The following WIPI1 variants were observed in gnomAD, a reference collection of about 807,000 sequenced individuals.
WIPI1 encodes WD repeat domain phosphoinositide-interacting protein 1.
In WIPI1, 45 loss-of-function variants were observed where a neutral mutation model predicts 55.3. The observed-to-expected ratio is 0.81, with a 90% confidence interval of 0.64 to 1.04. WIPI1 has a LOEUF of 1.04. WIPI1 is among the 50% of genes least tolerant of loss of function. WIPI1 has a pLI of 0.00. For missense variants in WIPI1, 445 were observed against 559.0 expected (o/e 0.80, Z 2.06); for synonymous variants, 195 against 217.6 (o/e 0.90, Z 0.92).
chr17:68,437,019 T>TGA (rs2083839376), intron 4 of WIPI1, among the ~76,000 whole-genome samples: 1 of 149,718 alleles, frequency 6.7e-6, no homozygotes, highest in Non-Finnish European at 1.5e-5. Context: ...TATATATATG[T>TGA]GTGTGTGTGT....
At position 68,433,502 on chromosome 17, in the gene WIPI1, C is replaced by CTGGAGG. The variant is rs2083617964; in HGVS notation, c.765_766insCCTCCA (p.Thr255_Val256insProPro). On this transcript the variant is annotated inframe_insertion, in exon 8 of 13. Transcript: ENST00000262139. ...ACCTGTTCCAGCTTGAAGATGTGTACCGTCTCGGTGTTACTGGAGGCGCAG... is the reference window on the plus strand; with the variant it reads ...ACCTGTTCCAGCTTGAAGATGTGTACTGGAGGCGTCTCGGTGTTACTGGAGGCGCAG... The CTGGAGG allele has an allele frequency of 6.2e-7, 1 of 1,613,796 alleles. No individual in the cohort carries two copies. Among genetic ancestry groups the CTGGAGG allele is most frequent in the African/African-American group, 1.3e-5 (1 of 74,796 alleles).
At chr17:68,428,667 CAG>C (rs2083365078) in intron 10 of WIPI1, 160 bp downstream of exon 10, 2 of 592,672 alleles carry the variant, frequency 3.4e-6, no homozygotes, top group Admixed American at 2.9e-5. Flanking sequence ...GCACCTGACA[CAG>C]AGCCCGGTGC....
rs2083634881 is a variant in WIPI1 at position 68,433,761 on chromosome 17, T to TTG, written c.693-187_693-186insCA. On this transcript the variant is annotated intron_variant, in intron 7 of 12. Transcript: ENST00000262139. ...CAGAAAGATTCACAAAGGGTCATAG[T>TTG]TTTTTTTTTTTTTTTTTTTTTTTTT... Among the ~76,000 whole-genome samples the TTG allele has an allele frequency of 3.9e-3, 24 of 6,090 alleles. 2 individuals carry two copies. The highest frequency in any genetic ancestry group is 0.01 in the South Asian group (3 of 286). 4.0% of individuals were successfully genotyped at this position (6,090 alleles called of 152,430 possible). A position where few individuals can be genotyped will look rare whatever the true frequency, so the allele number is the denominator to read the frequency against.
At position 68,450,727 on chromosome 17, in the gene WIPI1, C is replaced by G. The variant is rs1407162250; in HGVS notation, c.333+1G>C. 1 of 1,604,826 alleles carries G rather than the reference C, an allele frequency of 6.2e-7. No individual in the cohort carries two copies. Among genetic ancestry groups the G allele is most frequent in the Admixed American group, 1.7e-5 (1 of 58,100 alleles). On this transcript the variant is annotated splice_donor_variant, in intron 3 of 12. Transcript: ENST00000262139. LOFTEE classifies it high-confidence loss of function. ...AAACCCTGAGGGATTTCCCCACTTACTTGCCGGTTCAGCCTTATGGACAAG... is the reference window on the plus strand; with the variant it reads ...AAACCCTGAGGGATTTCCCCACTTAGTTGCCGGTTCAGCCTTATGGACAAG...
chr17:68,457,389 GC>G lies in WIPI1; in HGVS notation c.32del (p.Gly11AlafsTer19), dbSNP rs1187448017. 1 of 1,535,368 alleles carries G rather than the reference GC, an allele frequency of 6.5e-7. No homozygotes were observed. The highest frequency in any genetic ancestry group is 8.8e-7 in the Non-Finnish European group (1 of 1,142,282). On this transcript the variant is annotated frameshift_variant, in exon 1 of 13. Coordinates refer to ENST00000262139, the MANE Select transcript of WIPI1 (RefSeq NM_017983.7). LOFTEE classifies it high-confidence loss of function. Reference sequence around the variant, plus strand: ...AGCAGCTGAGCGCCGACTCAACCCCGCCCGGGGGAGCGTCCGCGGCCTCGGC... The same window carrying G: ...AGCAGCTGAGCGCCGACTCAACCCCGCCGGGGGAGCGTCCGCGGCCTCGGC... MEAEAADAPP[G>X]GVESALSCFS...
chr17:68,453,564 C>T (rs1056746779), intron 1 of WIPI1, among the ~76,000 whole-genome samples: 4 of 151,388 alleles, frequency 2.6e-5, no homozygotes, highest in Non-Finnish European at 4.4e-5. Flanking sequence ...CTCCAACCTC[C>T]GCCTCCTGGG....
chr17:68,421,602 G>T lies in WIPI1; in HGVS notation c.*171C>A. Reference sequence around the variant, plus strand: ...CCCGCGCCCATTGGCAACCAGGGTCGTGGGAAGCTTGGTGAGGAGTTAACC... The same window carrying T: ...CCCGCGCCCATTGGCAACCAGGGTCTTGGGAAGCTTGGTGAGGAGTTAACC... On this transcript the variant is annotated 3_prime_UTR_variant, in exon 13 of 13. Coordinates refer to ENST00000262139, the MANE Select transcript of WIPI1 (RefSeq NM_017983.7). 4.8e-6 allele frequency: 4 copies of T among 832,680 alleles called. No homozygotes were observed. Among genetic ancestry groups the T allele is most frequent in the South Asian group, 4.6e-5 (3 of 65,518 alleles). 51.6% of individuals were successfully genotyped at this position (832,680 alleles called of 1,614,324 possible).
At chr17:68,449,648 C>T (rs1342201850) in intron 3 of WIPI1, among the ~76,000 whole-genome samples, 1 of 152,206 alleles carries the variant, frequency 6.6e-6, no homozygotes, top group Non-Finnish European at 1.5e-5. Context: ...GCTCCTGCCA[C>T]GTAAGACGCC....
Position 68,421,740 on chromosome 17 carries a change from G to A in WIPI1, c.*33C>T, listed in dbSNP as rs1370585634. On this transcript the variant is annotated 3_prime_UTR_variant, in exon 13 of 13. Coordinates refer to ENST00000262139, the MANE Select transcript of WIPI1 (RefSeq NM_017983.7). The stretch of plus-strand genomic sequence containing the variant: ...GTTTTCTCCAAAACCACCTGATAGG[G>A]GGGATGTCCTGATTTCTGAGGTGTG... 3 of 1,614,066 alleles carry A rather than the reference G, an allele frequency of 1.9e-6. No individual in the cohort carries two copies. The Admixed American group carries it at 5.0e-5, about 27-fold the overall frequency.
intron 3 of WIPI1, 71 bp from the exon 4 acceptor site, chr17:68,444,660 C>G: frequency 7.8e-7 from 1 of 1,281,592 alleles, no homozygotes; most frequent in South Asian, 1.3e-5. Context: ...CCAAATCATT[C>G]ATCTTTCATA....
chr17:68,433,760 G>GTTTTTTTTTTTTTTT lies in WIPI1; in HGVS notation c.693-200_693-186dup, dbSNP rs556777098. Reference sequence around the variant, plus strand: ...TCAGAAAGATTCACAAAGGGTCATAGTTTTTTTTTTTTTTTTTTTTTTTTT... The same window carrying GTTTTTTTTTTTTTTT: ...TCAGAAAGATTCACAAAGGGTCATAGTTTTTTTTTTTTTTTTTTTTTTTTTTTTTTTTTTTTTTTT... On this transcript the variant is annotated intron_variant, in intron 7 of 12. Transcript: ENST00000262139. Among the ~76,000 whole-genome samples, 8 of 72,822 alleles carry GTTTTTTTTTTTTTTT rather than the reference G, an allele frequency of 1.1e-4. 1 individual carries two copies. The highest frequency in any genetic ancestry group is 4.6e-4 in the African/African-American group (7 of 15,268). The allele number at this position is 72,822 out of a possible 152,430, so 47.8% of individuals were successfully genotyped here. A position where few individuals can be genotyped will look rare whatever the true frequency, so the allele number is the denominator to read the frequency against.
rs186251334 is a variant in WIPI1 at position 68,421,672 on chromosome 17, C to T, written c.*101G>A. 3.5e-4 allele frequency: 536 copies of T among 1,539,126 alleles called. 1 individual carries two copies. The highest frequency in any genetic ancestry group is 3.3e-5 in the South Asian group (3 of 89,636). ...GTGGAGCACCCGGGATTCCTGCCCC[C>T]CTTTCTGCTCACACAATTGCACTCC... On this transcript the variant is annotated 3_prime_UTR_variant, in exon 13 of 13. Coordinates refer to ENST00000262139, the MANE Select transcript of WIPI1 (RefSeq NM_017983.7).
chr17:68,425,915 ACAG>A, intron 12 of WIPI1, 157 bp downstream of exon 12: 2 of 626,594 alleles, frequency 3.2e-6, no homozygotes, highest in East Asian at 5.5e-5. Flanking sequence ...TTCGAAGCAC[ACAG>A]TACAACAAAT....
chr17:68,428,002 C>G (rs373598905), intron 10 of WIPI1, among the ~76,000 whole-genome samples: 1 of 152,036 alleles, frequency 6.6e-6, no homozygotes, highest in African/African-American at 2.4e-5. Flanking sequence ...GTGATCCCCC[C>G]ACCTCTGCCT....
chr17:68,452,463 G>T (rs898431105), intron 2 of WIPI1, among the ~76,000 whole-genome samples: 13 of 152,190 alleles, frequency 8.5e-5, no homozygotes, highest in South Asian at 4.1e-4. Flanking sequence ...TACTTGGGAG[G>T]CTGAGGCAGG....
chr17:68,435,813 C>T (rs2083757708), intron 5 of WIPI1, 101 bp from the exon 6 acceptor site: 6 of 1,061,422 alleles, frequency 5.7e-6, no homozygotes, highest in South Asian at 5.4e-5. Context: ...CTCCTTTGTC[C>T]AGCTCCCTGT....
intron 1 of WIPI1, among the ~76,000 whole-genome samples, chr17:68,453,597 G>A (rs1031067853): frequency 1.3e-5 from 2 of 151,036 alleles, no homozygotes; most frequent in Non-Finnish European, 2.9e-5. Context: ...TCCTGCCTCA[G>A]CCTCCCGAGC....
chr17:68,437,036 GTATA>G (rs147374763), intron 4 of WIPI1, among the ~76,000 whole-genome samples: 55 of 118,748 alleles, frequency 4.6e-4, no homozygotes, highest in Non-Finnish European at 6.0e-4. Flanking sequence ...GTGTGTGTGT[GTATA>G]TATTGCTCAT....
Position 68,422,384 on chromosome 17 carries a change from G to A in WIPI1, c.1294-564C>T, listed in dbSNP as rs528864761. On this transcript the variant is annotated intron_variant, in intron 12 of 12. Transcript: ENST00000262139. ...GTGGAGGCTGCAGTGAGCCGAGATC[G>A]CACCACTGCACTCCAGCCTGGGCGA... is the stretch of plus-strand genomic sequence containing the variant. The A allele has an allele frequency of 6.9e-5, 10 of 144,218 alleles. No individual in the cohort carries two copies. In the South Asian group the frequency reaches 8.6e-4, roughly 12 times the overall value. 8.9% of individuals were successfully genotyped at this position (144,218 alleles called of 1,614,324 possible).
Sources: gnomAD v4.1 joint callset for allele counts (sites outside exome capture counted in the v4.1 genomes callset) on GRCh38, gnomAD v4.1.1 for gene constraint, MANE v1.5 for transcripts, NCBI Gene and HGNC (gene_info 2026-07-23, HGNC 2026-07-21) for gene names.